The following YAF2 variants were observed in gnomAD, a reference collection of about 807,000 sequenced individuals.
The protein encoded by YAF2 is YY1 associated factor 2.
Under a neutral mutation model 20.1 loss-of-function variants are expected in YAF2, and 7 were observed. The ratio of observed to expected loss-of-function variants is 0.35; its 90% CI spans 0.20 to 0.65. The LOEUF is 0.65. Among genes scored for constraint, YAF2 ranks in the 30% least tolerant of loss-of-function variants. The pLI, the probability that YAF2 is intolerant of heterozygous loss-of-function variation, is 0.69. For missense variants in YAF2, 151 were observed against 219.2 expected (o/e 0.69, Z 1.96); for synonymous variants, 74 against 76.0 (o/e 0.97, Z 0.14).
At chr12:42,221,269 A>T (rs546244442) in intron 2 of YAF2, among the ~76,000 whole-genome samples, 1 of 152,298 alleles carries the variant, frequency 6.6e-6, no homozygotes, top group East Asian at 1.9e-4. Flanking sequence ...CTACCACAGC[A>T]AGGTTATAAA....
chr12:42,174,006 GAC>G (rs1244388593), intron 2 of YAF2, among the ~76,000 whole-genome samples: 1 of 151,074 alleles, frequency 6.6e-6, no homozygotes, highest in Non-Finnish European at 1.5e-5. Flanking sequence ...TCCTGCCACT[GAC>G]CTCCTTTGTT....
intron 2 of YAF2, among the ~76,000 whole-genome samples, chr12:42,229,708 C>A (rs1384245316): frequency 6.6e-6 from 1 of 152,196 alleles, no homozygotes; most frequent in Non-Finnish European, 1.5e-5. Context: ...CATACCTAGG[C>A]TATATGGTAG....
intron 2 of YAF2, among the ~76,000 whole-genome samples, chr12:42,218,332 T>C (rs1283965832): frequency 3.9e-5 from 6 of 152,128 alleles, no homozygotes; most frequent in South Asian, 2.1e-4. Flanking sequence ...GATATGCAAG[T>C]ATACATTTCC....
At chr12:42,191,042 T>G (rs1184289080) in intron 2 of YAF2, among the ~76,000 whole-genome samples, 1 of 152,204 alleles carries the variant, frequency 6.6e-6, no homozygotes, top group African/African-American at 2.4e-5. Flanking sequence ...GATATATTTA[T>G]TACATCAGCC....
At chr12:42,175,551 T>A (rs1219657301) in intron 2 of YAF2, among the ~76,000 whole-genome samples, 1 of 148,494 alleles carries the variant, frequency 6.7e-6, no homozygotes, top group East Asian at 2.0e-4. Context: ...AAAAAAGCTG[T>A]CTAAAATTTT....
At chr12:42,206,708 A>C (rs1288957005) in intron 2 of YAF2, among the ~76,000 whole-genome samples, 1 of 152,134 alleles carries the variant, frequency 6.6e-6, no homozygotes, top group African/African-American at 2.4e-5. Context: ...TAATGACAAA[A>C]AAAAAATCAC....
At chr12:42,207,259 C>T (rs2067070455) in intron 2 of YAF2, among the ~76,000 whole-genome samples, 1 of 152,154 alleles carries the variant, frequency 6.6e-6, no homozygotes, top group South Asian at 2.1e-4. Flanking sequence ...GGACAAACTG[C>T]TTTCTGATGA....
chr12:42,189,607 C>T (rs1002898602), intron 2 of YAF2, among the ~76,000 whole-genome samples: 9 of 152,152 alleles, frequency 5.9e-5, no homozygotes, highest in Non-Finnish European at 8.8e-5. Context: ...TGCATAGGTA[C>T]ACACACATAT....
chr12:42,215,708 A>G (rs528349222), intron 2 of YAF2, among the ~76,000 whole-genome samples: 12 of 152,136 alleles, frequency 7.9e-5, no homozygotes, highest in Non-Finnish European at 1.8e-4. Flanking sequence ...AGATCACTTG[A>G]GGTCAGGAGT....
At chr12:42,199,267 C>T in intron 2 of YAF2, 2 of 1,175,788 alleles carry the variant, frequency 1.7e-6, no homozygotes, top group Non-Finnish European at 1.1e-6. Flanking sequence ...AAGAAAGAAA[C>T]ACTATGTACA....
chr12:42,221,353 G>C (rs2067506491), intron 2 of YAF2, among the ~76,000 whole-genome samples: 1 of 152,148 alleles, frequency 6.6e-6, no homozygotes, highest in South Asian at 2.1e-4. Flanking sequence ...CAGGAGGGGT[G>C]CTTGAGGCAA....
intron 2 of YAF2, among the ~76,000 whole-genome samples, chr12:42,179,789 C>CAAAA (rs71084622): frequency 3.3e-4 from 28 of 85,116 alleles, no homozygotes; most frequent in Non-Finnish European, 4.6e-4. Flanking sequence ...GTCTAAAAGG[C>CAAAA]AAAAAAAAAA....
At chr12:42,202,691 T>G (rs937489762) in intron 2 of YAF2, among the ~76,000 whole-genome samples, 5 of 152,150 alleles carry the variant, frequency 3.3e-5, no homozygotes, top group African/African-American at 1.2e-4. Flanking sequence ...CAGGTTGGAG[T>G]GCAATGGCAT....
intron 2 of YAF2, among the ~76,000 whole-genome samples, chr12:42,217,309 T>G (rs2067383581): frequency 6.6e-6 from 1 of 152,172 alleles, no homozygotes; most frequent in Non-Finnish European, 1.5e-5. Flanking sequence ...CCCATACAGT[T>G]TACAAATACA....
intron 2 of YAF2, among the ~76,000 whole-genome samples, chr12:42,182,464 A>G (rs1307870416): frequency 1.3e-5 from 2 of 152,238 alleles, no homozygotes; most frequent in African/African-American, 2.4e-5. Context: ...ACTTACATCA[A>G]AACTGAAAGA....
intron 2 of YAF2, among the ~76,000 whole-genome samples, chr12:42,226,912 G>A (rs2067721093): frequency 6.7e-6 from 1 of 150,262 alleles, no homozygotes. Context: ...GGTGGCTTAG[G>A]GAGCCCGTCC....
intron 2 of YAF2, among the ~76,000 whole-genome samples, chr12:42,219,770 A>G (rs1443793993): frequency 6.6e-6 from 1 of 152,180 alleles, no homozygotes; most frequent in South Asian, 2.1e-4. Flanking sequence ...TGTGCATATA[A>G]ATAACCTAAA....
rs192853453 is a variant in YAF2 at position 42,197,511 on chromosome 12, G to A, written c.153-35746C>T. ...TCTCAGGGGTAAGTAACAGCTAAACGCTGCACTAACTACGTAGGGAAATGC... is the reference window on the plus strand; with the variant it reads ...TCTCAGGGGTAAGTAACAGCTAAACACTGCACTAACTACGTAGGGAAATGC... On this transcript the variant is annotated intron_variant, in intron 2 of 3. Transcript: ENST00000534854. Among the ~76,000 whole-genome samples the A allele has an allele frequency of 3.9e-5, 6 of 152,290 alleles. No individual in the cohort carries two copies. In the East Asian group the frequency reaches 1.2e-3, roughly 29 times the overall value.
chr12:42,170,056 A>C (rs1409994667), intron 2 of YAF2, among the ~76,000 whole-genome samples: 1 of 151,640 alleles, frequency 6.6e-6, no homozygotes, highest in Non-Finnish European at 1.5e-5. Flanking sequence ...TTTTTTGTAG[A>C]GATGAGGGTC....
Sources: gnomAD v4.1 joint callset for allele counts (sites outside exome capture counted in the v4.1 genomes callset) on GRCh38, gnomAD v4.1.1 for gene constraint, MANE v1.5 for transcripts, NCBI Gene and HGNC (gene_info 2026-07-23, HGNC 2026-07-21) for gene names.